VPS35L: variants seen among roughly 807,000 people sequenced by gnomAD.
VPS35L encodes the protein VPS35 endosomal protein sorting factor like.
VPS35L carries 83 observed loss-of-function variants against 133.0 expected under a neutral mutation model. The ratio of observed to expected loss-of-function variants is 0.62; its 90% CI spans 0.52 to 0.75. The LOEUF (loss-of-function observed/expected upper bound fraction) is 0.75. Ranked by LOEUF, VPS35L falls within the 30% of genes least tolerant of loss-of-function variation. VPS35L has a pLI of 0.00. For missense variants in VPS35L, 1,083 were observed against 1,206.8 expected (o/e 0.90, Z 1.52); for synonymous variants, 423 against 449.9 (o/e 0.94, Z 0.76).
At chr16:19,690,216 A>G (rs1975618868) in intron 28 of VPS35L, among the ~76,000 whole-genome samples, 1 of 152,170 alleles carries the variant, frequency 6.6e-6, no homozygotes, top group African/African-American at 2.4e-5. Context: ...CCCAAGATTT[A>G]TCATTAAGTT....
At chr16:19,679,163 G>A (rs1975171157) in intron 27 of VPS35L, among the ~76,000 whole-genome samples, 1 of 143,706 alleles carries the variant, frequency 7.0e-6, no homozygotes, top group Admixed American at 7.0e-5. Flanking sequence ...AGGCGGGGGG[G>A]CGGGGAGGTT....
rs1267452445 is a variant in VPS35L, at chr16:19,579,115, A to G, written c.497A>G (p.Asp166Gly). 3 of 1,613,918 alleles carry G rather than the reference A, an allele frequency of 1.9e-6. No homozygotes were observed. The Admixed American group carries it at 5.0e-5, about 27-fold the overall frequency. The stretch of plus-strand genomic sequence containing the variant: ...GTGCGGACCCGGCTGGAGGAGCTGG[A>G]TGACTTTGAGGAGGTGAGCAAGTCA... ...EKVRTRLEEL[D>G]DFEEGSQKEL... Residue 166 changes from aspartate to glycine, a missense_variant, in exon 6 of 31, where the codon GAT (aspartate) becomes GGT (glycine). Physicochemically the swap from Asp to Gly is moderately conservative, Grantham distance 94. Transcript: ENST00000417362.
chr16:19,560,406 AAC>A (rs561136446), intron 1 of VPS35L, among the ~76,000 whole-genome samples: 2 of 152,238 alleles, frequency 1.3e-5, no homozygotes, highest in South Asian at 2.1e-4. Context: ...AGGGACAGAA[AAC>A]ACATTTGGAA....
chr16:19,674,431 A>G (rs1753587828), intron 27 of VPS35L, among the ~76,000 whole-genome samples: 1 of 151,772 alleles, frequency 6.6e-6, no homozygotes, highest in African/African-American at 2.4e-5. Context: ...CCTGAGCTCA[A>G]GTGATCTGCC....
At position 19,657,125 on chromosome 16, in the gene VPS35L, C is replaced by T. The variant is rs191993030; in HGVS notation, c.2221+5035C>T. Among the ~76,000 whole-genome samples the T allele has an allele frequency of 2.0e-3, 311 of 152,052 alleles. 4 individuals are homozygous for T. Among genetic ancestry groups the T allele is most frequent in the Non-Finnish European group, 2.6e-3 (175 of 67,990 alleles). ...GGACTACAGGCGTGCACCACCACAC[C>T]GGGCTAATTTTTGTATTTTTTAGTA... On this transcript the variant is annotated intron_variant, in intron 26 of 30. Transcript: ENST00000417362.
intron 15 of VPS35L, among the ~76,000 whole-genome samples, chr16:19,626,550 T>A (rs1333072090): frequency 6.6e-6 from 1 of 151,966 alleles, no homozygotes; most frequent in Non-Finnish European, 1.5e-5. Context: ...TCACCTGAGG[T>A]CAGGAGTTCG....
At chr16:19,636,792 CT>C (rs1482177448) in intron 19 of VPS35L, among the ~76,000 whole-genome samples, 2 of 152,202 alleles carry the variant, frequency 1.3e-5, no homozygotes, top group Non-Finnish European at 2.9e-5. Flanking sequence ...CTTCTTGGCT[CT>C]CCTGGACCAA....
At position 19,691,383 on chromosome 16, in the gene VPS35L, A is replaced by G; in HGVS notation, c.2558A>G (p.Asp853Gly). 1 of 1,613,322 alleles carries G rather than the reference A, an allele frequency of 6.2e-7. No homozygotes were observed. The highest frequency in any genetic ancestry group is 8.5e-7 in the Non-Finnish European group (1 of 1,179,730). The change falls in exon 29 of 31, where the codon GAC (aspartate) becomes GGC (glycine). Residue 853 changes from aspartate (D) to glycine (G), a missense_variant. By Grantham distance (94) the Asp-to-Gly change is moderately conservative. Coordinates refer to ENST00000417362, the MANE Select transcript of VPS35L (RefSeq NM_020314.7). ...VDSNDSLYGG[D>G]SKFLAENNKL... ...TCCAACGACAGCCTCTACGGGGGAG[A>G]CTCCAAGTTCCTGGCAGAAAACAAC...
intron 14 of VPS35L, chr16:19,617,313 G>A (rs936719072): frequency 4.3e-5 from 10 of 233,924 alleles, no homozygotes; most frequent in Admixed American, 2.1e-4. Context: ...AGCTGTGACT[G>A]TACTACTGCA....
chr16:19,610,282 C>G (rs1268427135), intron 11 of VPS35L, 40 bp from the exon 12 acceptor site: 4 of 1,528,840 alleles, frequency 2.6e-6, no homozygotes, highest in Non-Finnish European at 3.6e-6. Context: ...AGCGAGTTCT[C>G]ACGTCGAATA....
At chr16:19,615,968 A>AAATAATAATAATAAT (rs10683142) in intron 12 of VPS35L, 146 bp from the exon 13 acceptor site, 3,432 of 255,224 alleles carry the variant, frequency 0.013, 130 homozygotes, top group African/African-American at 0.078. Context: ...CTCCATCTCA[A>AAATAATAATAATAAT]AATAATAATA....
chr16:19,648,874 C>CAA (rs552677405), intron 24 of VPS35L, among the ~76,000 whole-genome samples: 26 of 91,550 alleles, frequency 2.8e-4, no homozygotes, highest in Non-Finnish European at 3.5e-4. Flanking sequence ...GACTCCATCT[C>CAA]AAAAAAAAAA....
At chr16:19,656,611 G>A (rs546963505) in intron 26 of VPS35L, among the ~76,000 whole-genome samples, 2 of 151,986 alleles carry the variant, frequency 1.3e-5, no homozygotes, top group South Asian at 2.1e-4. Context: ...AAGTGGAGAC[G>A]ATGACAGTGG....
At chr16:19,607,850 T>G (rs373465297) in intron 9 of VPS35L, 6 of 212,718 alleles carry the variant, frequency 2.8e-5, no homozygotes, top group African/African-American at 1.4e-4. Flanking sequence ...ATTTGCTTGC[T>G]GTGTGCCTTG....
At chr16:19,579,191 G>T in intron 6 of VPS35L, 63 bp downstream of exon 6, 1 of 1,464,556 alleles carries the variant, frequency 6.8e-7, no homozygotes, top group Non-Finnish European at 9.5e-7. Context: ...TGCCAAGTGA[G>T]ATCAACCTCG....
At chr16:19,683,764 G>A (rs916965275) in intron 28 of VPS35L, among the ~76,000 whole-genome samples, 6 of 152,178 alleles carry the variant, frequency 3.9e-5, no homozygotes, top group South Asian at 2.1e-4. Context: ...GTGAACATAC[G>A]TGTGCATGTG....
At chr16:19,587,841 CA>C (rs1322774198) in intron 7 of VPS35L, among the ~76,000 whole-genome samples, 1 of 142,310 alleles carries the variant, frequency 7.0e-6, no homozygotes, top group Non-Finnish European at 1.5e-5. Context: ...GCTCTGTCAC[CA>C]AGGCTGGAGT....
In VPS35L at chr16:19,591,876, T is replaced by A; in HGVS notation, c.724+2T>A. 1 of 1,590,206 alleles carries A rather than the reference T, an allele frequency of 6.3e-7. No individual in the cohort carries two copies. Among genetic ancestry groups the A allele is most frequent in the South Asian group, 1.1e-5 (1 of 90,570 alleles). On this transcript the variant is annotated splice_donor_variant, in intron 8 of 30. Coordinates refer to ENST00000417362, the MANE Select transcript of VPS35L (RefSeq NM_020314.7). LOFTEE classifies it high-confidence loss of function. ...TCACCGACATACTTGATACATTTGGTAAGTACCTGTCATATGCATCTTAGA... is the reference window on the plus strand; with the variant it reads ...TCACCGACATACTTGATACATTTGGAAAGTACCTGTCATATGCATCTTAGA...
intron 27 of VPS35L, among the ~76,000 whole-genome samples, chr16:19,673,929 G>A (rs760848129): frequency 2.6e-5 from 4 of 152,164 alleles, no homozygotes; most frequent in East Asian, 1.9e-4. Flanking sequence ...GACTGAAGCC[G>A]GAAACGTTTG....
Sources: gnomAD v4.1 joint callset for allele counts (sites outside exome capture counted in the v4.1 genomes callset) on GRCh38, gnomAD v4.1.1 for gene constraint, MANE v1.5 for transcripts, NCBI Gene and HGNC (gene_info 2026-07-23, HGNC 2026-07-21) for gene names.